The following KIF1C variants were observed in gnomAD, a reference collection of about 807,000 sequenced individuals.
The protein encoded by KIF1C is kinesin-like protein KIF1C.
KIF1C carries 61 observed loss-of-function variants against 126.5 expected under a neutral mutation model. The ratio of observed to expected loss-of-function variants is 0.48; its 90% CI spans 0.39 to 0.60. The LOEUF (loss-of-function observed/expected upper bound fraction) is 0.60, where lower values mean the gene tolerates loss of function less well. Among genes scored for constraint, KIF1C ranks in the 20% least tolerant of loss-of-function variants. The probability of loss-of-function intolerance (pLI) is 0.00; values close to 1 mark genes in which losing one functional copy is unlikely to be tolerated. For missense variants in KIF1C, 1,315 were observed against 1,489.2 expected, an observed-to-expected ratio of 0.88 and a Z score of 1.93; for synonymous variants, 640 against 580.6, an observed-to-expected ratio of 1.10 and a Z score of -1.47.
intron 17 of KIF1C, chr17:5,014,055 C>T (rs765413847): frequency 2.2e-5 from 7 of 319,934 alleles, no homozygotes; most frequent in Admixed American, 4.6e-5. Flanking sequence ...TCCCTGGGGG[C>T]GGGAGAAGGG....
At chr17:5,018,353 CCCT>C (rs759560152) in intron 18 of KIF1C, among the ~76,000 whole-genome samples, 13 of 151,892 alleles carry the variant, frequency 8.6e-5, no homozygotes, top group Admixed American at 2.0e-4. Context: ...CTTTTTCCCC[CCCT>C]CTTCTTTTAG....
chr17:5,016,774 C>T (rs1352381199), intron 18 of KIF1C, among the ~76,000 whole-genome samples: 3 of 151,430 alleles, frequency 2.0e-5, no homozygotes, highest in African/African-American at 7.3e-5. Flanking sequence ...GGCATGGTGG[C>T]GAACGCTTGT....
In KIF1C at chr17:5,001,217, C is replaced by T; in HGVS notation, c.184-5C>T. On this transcript the variant is annotated splice_polypyrimidine_tract_variant and splice_region_variant and intron_variant, in intron 4 of 22. Coordinates refer to ENST00000320785, the MANE Select transcript of KIF1C (RefSeq NM_006612.6). ...CTGTTTTTCTCTGCCCCCACTTTCT[C>T]CTAGACGGAGGACCCCCAGTTTGCA... The T allele has an allele frequency of 1.2e-6, 2 of 1,613,852 alleles. No individual in the cohort carries two copies. Among genetic ancestry groups the T allele is most frequent in the South Asian group, 2.2e-5 (2 of 91,066 alleles).
intron 16 of KIF1C, among the ~76,000 whole-genome samples, chr17:5,012,446 CA>C (rs1974885989): frequency 6.6e-6 from 1 of 151,822 alleles, no homozygotes; most frequent in Admixed American, 6.6e-5. Flanking sequence ...AGGGAGTGCT[CA>C]GGGGTCCGCT....
Position 5,024,312 on chromosome 17 carries a change from G to A in KIF1C, c.*161G>A. 1 of 554,572 alleles carries A rather than the reference G, an allele frequency of 1.8e-6. No individual in the cohort carries two copies. Among genetic ancestry groups the A allele is most frequent in the Non-Finnish European group, 3.1e-6 (1 of 319,730 alleles). The allele number at this position is 554,572 out of a possible 1,614,324, so 34.4% of individuals were successfully genotyped here. ...AGACAAGGGGGAGACCGAGCCGGAG[G>A]CTGAGGAAAGGAAGAGGGCACGGAG... is the stretch of plus-strand genomic sequence containing the variant. On this transcript the variant is annotated 3_prime_UTR_variant, in exon 23 of 23. Coordinates refer to ENST00000320785, the MANE Select transcript of KIF1C (RefSeq NM_006612.6).
At chr17:5,021,018 A>C in intron 21 of KIF1C, 140 bp downstream of exon 21, 1 of 698,004 alleles carries the variant, frequency 1.4e-6, no homozygotes. Context: ...AAAAGCCAGG[A>C]GAGAGATGTG....
intron 18 of KIF1C, among the ~76,000 whole-genome samples, chr17:5,018,891 T>C (rs535632312): frequency 6.6e-6 from 1 of 152,134 alleles, no homozygotes; most frequent in Non-Finnish European, 1.5e-5. Flanking sequence ...GTGGCATATG[T>C]GGGTTTGAAT....
intron 5 of KIF1C, among the ~76,000 whole-genome samples, 187 bp from the exon 6 acceptor site, chr17:5,001,872 T>C (rs2143310546): frequency 6.6e-6 from 1 of 152,326 alleles, no homozygotes; most frequent in East Asian, 1.9e-4. Context: ...AACGGTAGCC[T>C]GTGATCTTGG....
intron 18 of KIF1C, among the ~76,000 whole-genome samples, chr17:5,017,963 C>T (rs1975011481): frequency 6.6e-6 from 1 of 151,912 alleles, no homozygotes. Context: ...ACACGTATTC[C>T]CTCCTTTTTT....
chr17:5,015,808 C>T (rs889896891), intron 18 of KIF1C, among the ~76,000 whole-genome samples: 7 of 151,746 alleles, frequency 4.6e-5, no homozygotes, highest in Admixed American at 1.3e-4. Context: ...GTTGGTCAGA[C>T]TGGTCTTGAA....
chr17:5,003,941 G>C, intron 10 of KIF1C, 25 bp downstream of exon 10: 2 of 1,612,274 alleles, frequency 1.2e-6, no homozygotes, highest in Admixed American at 1.7e-5. Flanking sequence ...TTGGAAAGAA[G>C]GGGCTTGGGA....
chr17:5,003,926 G>A lies in KIF1C; in HGVS notation c.864+10G>A. 1 of 1,613,230 alleles carries A rather than the reference G, an allele frequency of 6.2e-7. No individual in the cohort carries two copies. Among genetic ancestry groups the A allele is most frequent in the South Asian group, 1.1e-5 (1 of 91,054 alleles). On this transcript the variant is annotated intron_variant, in intron 10 of 22. Coordinates refer to ENST00000320785, the MANE Select transcript of KIF1C (RefSeq NM_006612.6). Reference sequence around the variant, plus strand: ...GGCCCTTGCAGATATGGTGAGACCTGGGTGTTGGAAAGAAGGGGCTTGGGA... The same window carrying A: ...GGCCCTTGCAGATATGGTGAGACCTAGGTGTTGGAAAGAAGGGGCTTGGGA...
chr17:5,019,946 C>A, intron 18 of KIF1C, 50 bp from the exon 19 acceptor site: 2 of 1,459,826 alleles, frequency 1.4e-6, no homozygotes, highest in Admixed American at 1.9e-5. Context: ...GACCATGACC[C>A]ACCTTCCTCC....
chr17:4,999,841 C>T lies in KIF1C; in HGVS notation c.-148-9C>T, dbSNP rs529036445. The T allele has an allele frequency of 1.8e-4, 34 of 186,622 alleles. No individual in the cohort carries two copies. Among genetic ancestry groups the T allele is most frequent in the Admixed American group, 1.1e-3 (20 of 18,766 alleles). The allele number at this position is 186,622 out of a possible 1,614,324, so 11.6% of individuals were successfully genotyped here. On this transcript the variant is annotated splice_polypyrimidine_tract_variant and intron_variant, in intron 1 of 22. Transcript: ENST00000320785. ...AGGTGCCTTCTAACAACTCTTCCCC[C>T]GCAATCAGGGTATCTCCCAGAGCCC...
intron 16 of KIF1C, among the ~76,000 whole-genome samples, chr17:5,010,359 C>CA (rs1200898390): frequency 2.6e-5 from 4 of 151,904 alleles, no homozygotes; most frequent in African/African-American, 7.3e-5. Context: ...CTTGATACTA[C>CA]AAAAAAAGGC....
chr17:5,001,541 C>A, intron 5 of KIF1C, 140 bp downstream of exon 5: 1 of 836,266 alleles, frequency 1.2e-6, no homozygotes, highest in Non-Finnish European at 1.8e-6. Context: ...AGGTTGACTG[C>A]AAGCTGGACA....
rs182259419 is a variant in KIF1C at position 5,004,807 on chromosome 17, G to C, written c.1020-48G>C. Reference sequence around the variant, plus strand: ...GGGGGAAGGAGAAACAGCAGACCAAGGGTCCCCTGCCCCCAGGCCTCACCG... The same window carrying C: ...GGGGGAAGGAGAAACAGCAGACCAACGGTCCCCTGCCCCCAGGCCTCACCG... On this transcript the variant is annotated intron_variant, in intron 12 of 22. Coordinates refer to ENST00000320785, the MANE Select transcript of KIF1C (RefSeq NM_006612.6). 50 of 1,612,610 alleles carry C rather than the reference G, an allele frequency of 3.1e-5. No homozygotes were observed. In the East Asian group the frequency reaches 5.6e-4, roughly 18 times the overall value.
Position 5,003,691 on chromosome 17 carries a change from T to G in KIF1C, c.798+2T>G. The G allele has an allele frequency of 6.2e-7, 1 of 1,611,752 alleles. No individual in the cohort carries two copies. Among genetic ancestry groups the G allele is most frequent in the Non-Finnish European group, 8.5e-7 (1 of 1,178,378 alleles). On this transcript the variant is annotated splice_donor_variant, in intron 9 of 22. Coordinates refer to ENST00000320785, the MANE Select transcript of KIF1C (RefSeq NM_006612.6). LOFTEE classifies it high-confidence loss of function. The stretch of plus-strand genomic sequence containing the variant: ...GGGGCCCGGGGCATGCGCCTGAAGG[T>G]GAGGGGCCTTCAGAGGGTGGTTTGT...
intron 5 of KIF1C, among the ~76,000 whole-genome samples, 200 bp from the exon 6 acceptor site, chr17:5,001,859 C>G (rs774347760): frequency 6.6e-6 from 1 of 152,234 alleles, no homozygotes; most frequent in Non-Finnish European, 1.5e-5. Flanking sequence ...CCCTGGCTGG[C>G]TGAACGGTAG....
Sources: gnomAD v4.1 joint callset for allele counts (sites outside exome capture counted in the v4.1 genomes callset) on GRCh38, gnomAD v4.1.1 for gene constraint, MANE v1.5 for transcripts, NCBI Gene and HGNC (gene_info 2026-07-23, HGNC 2026-07-21) for gene names.